TENM3: variants seen among roughly 807,000 people sequenced by gnomAD.
The protein encoded by TENM3 is teneurin-3.
Under a neutral mutation model 255.1 loss-of-function variants are expected in TENM3, and 63 were observed. The ratio of observed to expected loss-of-function variants is 0.25; its 90% CI spans 0.20 to 0.30. The LOEUF (loss-of-function observed/expected upper bound fraction) is 0.30, where lower values mean the gene tolerates loss of function less well. Ranked by LOEUF, TENM3 falls within the 10% of genes least tolerant of loss-of-function variation. The pLI, the probability that TENM3 is intolerant of heterozygous loss-of-function variation, is 1.00. For synonymous variants in TENM3, 1,306 were observed against 1,322.3 expected (o/e 0.99, Z 0.27); for missense variants, 2,929 against 3,461.1 (o/e 0.85, Z 3.86).
chr4:182,697,831 A>C (rs2152626197), intron 12 of TENM3: 1 of 152,288 alleles, frequency 6.6e-6, no homozygotes, highest in South Asian at 2.1e-4. Context: ...ACAAATGCAA[A>C]CCTGGTTCCT....
the TENM3 span, among the ~76,000 whole-genome samples, chr4:181,637,604 A>C: frequency 6.6e-6 from 1 of 152,096 alleles, no homozygotes; most frequent in Non-Finnish European, 1.5e-5. Context: ...GAACACTGAC[A>C]AGGCTCCACC....
At chr4:182,646,322 C>T (rs1031769761) in intron 5 of TENM3, among the ~76,000 whole-genome samples, 5 of 152,104 alleles carry the variant, frequency 3.3e-5, no homozygotes, top group Non-Finnish European at 5.9e-5. Context: ...CAGCAGAGAA[C>T]TGGGAAGAGA....
At chr4:181,735,170 G>A in the TENM3 span, among the ~76,000 whole-genome samples, 1 of 151,866 alleles carries the variant, frequency 6.6e-6, no homozygotes, top group African/African-American at 2.4e-5. Context: ...TACACTAACT[G>A]CCATTTTTTT....
intron 24 of TENM3, 90 bp downstream of exon 24, chr4:182,775,243 C>T (rs547601232): frequency 2.7e-5 from 30 of 1,110,572 alleles, no homozygotes; most frequent in Middle Eastern, 4.8e-4. Context: ...TGCTCACCCC[C>T]CTATGTCTAC....
chr4:181,448,830 G>GT, the TENM3 span, among the ~76,000 whole-genome samples: 5 of 151,940 alleles, frequency 3.3e-5, no homozygotes, highest in South Asian at 8.3e-4. Flanking sequence ...GGCATTTAAA[G>GT]TTTTTTTTAC....
In TENM3 at chr4:182,799,821, G is replaced by T; in HGVS notation, c.7570G>T (p.Val2524Leu). ...LNIANEDCIKVAAVLNNAFYL... is the reference protein window; with the variant it reads ...LNIANEDCIKLAAVLNNAFYL... ...CATCGCCAACGAGGACTGCATCAAG[G>T]TGGCGGCCGTGCTCAACAACGCCTT... The change falls in exon 28 of 28, where the codon GTG becomes TTG. Residue 2524 changes from valine (V) to leucine (L), a missense_variant. Transcript: ENST00000511685. This position sits in a 1 kb window ranked among gnomAD's most constrained non-coding sequence, Gnocchi z 4.2. The T allele has an allele frequency of 6.2e-7, 1 of 1,609,646 alleles. No homozygotes were observed. Among genetic ancestry groups the T allele is most frequent in the Non-Finnish European group, 8.5e-7 (1 of 1,178,302 alleles).
At chr4:182,206,948 A>G (rs1266657664) in intron 1 of TENM3, among the ~76,000 whole-genome samples, 1 of 152,120 alleles carries the variant, frequency 6.6e-6, no homozygotes, top group African/African-American at 2.4e-5. Flanking sequence ...CATGTTTGCT[A>G]ATGTCACGCA....
At chr4:182,323,420 TAAA>T (rs11313091) in intron 1 of TENM3, among the ~76,000 whole-genome samples, 4,429 of 130,304 alleles carry the variant, frequency 0.034, 214 homozygotes, top group African/African-American at 0.11. Context: ...TAAGATATAT[TAAA>T]AAAAAAAAAA....
chr4:182,014,649 A>G, the TENM3 span, among the ~76,000 whole-genome samples: 1 of 152,066 alleles, frequency 6.6e-6, no homozygotes, highest in African/African-American at 2.4e-5. Flanking sequence ...TGGAAGGCAC[A>G]GGCGAGCTGA....
At chr4:182,441,361 A>T (rs191307626) in intron 3 of TENM3, among the ~76,000 whole-genome samples, 1 of 152,228 alleles carries the variant, frequency 6.6e-6, no homozygotes, top group Non-Finnish European at 1.5e-5. Context: ...GAAAACAATA[A>T]TTACAGAATA....
At chr4:181,875,336 C>G in the TENM3 span, among the ~76,000 whole-genome samples, 2 of 151,906 alleles carry the variant, frequency 1.3e-5, no homozygotes, top group East Asian at 3.9e-4. Context: ...TCCCATAGTC[C>G]AAATTTACCT....
chr4:182,618,862 G>C (rs1216225716), intron 4 of TENM3, among the ~76,000 whole-genome samples: 1 of 152,092 alleles, frequency 6.6e-6, no homozygotes, highest in African/African-American at 2.4e-5. Flanking sequence ...GAACTTCTCT[G>C]CTCAGCAATA....
chr4:182,751,581 C>T (rs1388907942), intron 19 of TENM3, among the ~76,000 whole-genome samples: 7 of 152,126 alleles, frequency 4.6e-5, no homozygotes, highest in Admixed American at 3.9e-4. Flanking sequence ...GAATCCTCAG[C>T]GTCAGGCAAG....
At chr4:182,273,101 A>G (rs1350480178) in intron 1 of TENM3, among the ~76,000 whole-genome samples, 1 of 152,212 alleles carries the variant, frequency 6.6e-6, no homozygotes, top group Non-Finnish European at 1.5e-5. Context: ...ATATGGTTTA[A>G]TATCCTCTGG....
At chr4:182,701,144 TTAA>T (rs1269648391) in intron 12 of TENM3, among the ~76,000 whole-genome samples, 2 of 150,068 alleles carry the variant, frequency 1.3e-5, no homozygotes, top group Non-Finnish European at 3.0e-5. Flanking sequence ...AAGGTATTCA[TTAA>T]TGAGTCCCCA....
At chr4:182,679,271 C>T (rs1226778881) in intron 7 of TENM3, among the ~76,000 whole-genome samples, 3 of 152,032 alleles carry the variant, frequency 2.0e-5, no homozygotes, top group Admixed American at 6.6e-5. Context: ...AAAATACGTA[C>T]GACTATTATA....
the TENM3 span, among the ~76,000 whole-genome samples, chr4:181,614,917 A>C: frequency 6.6e-6 from 1 of 152,202 alleles, no homozygotes; most frequent in Non-Finnish European, 1.5e-5. Flanking sequence ...AGATCCGAGA[A>C]AGGCTGAGGA....
At chr4:182,561,003 G>A (rs562740065) in intron 3 of TENM3, among the ~76,000 whole-genome samples, 2 of 152,176 alleles carry the variant, frequency 1.3e-5, no homozygotes, top group South Asian at 2.1e-4. Flanking sequence ...CTGGTCCTGC[G>A]TGAAGAATGC....
the TENM3 span, among the ~76,000 whole-genome samples, chr4:181,905,360 T>C: frequency 4.6e-5 from 7 of 152,250 alleles, no homozygotes; most frequent in Non-Finnish European, 8.8e-5. Context: ...CTAACAAATA[T>C]GTATTAGATC....
Sources: allele counts gnomAD v4.1 joint callset (sites outside exome capture counted in the v4.1 genomes callset), GRCh38; gene constraint gnomAD v4.1.1; non-coding constraint Gnocchi (gnomAD v3.1); transcripts MANE v1.5; gene names NCBI Gene and HGNC (gene_info 2026-07-23, HGNC 2026-07-21).